Variants in KCNMA1 observed in about 807,000 individuals in gnomAD.
KCNMA1 encodes the protein potassium calcium-activated channel subfamily M alpha 1.
In KCNMA1, 29 loss-of-function variants were observed where a neutral mutation model predicts 140.0. The observed-to-expected ratio is 0.21, with a 90% confidence interval of 0.15 to 0.28. The LOEUF is 0.28. KCNMA1 is among the 10% of genes least tolerant of loss of function. The pLI, the probability that KCNMA1 is intolerant of heterozygous loss-of-function variation, is 1.00. For missense variants in KCNMA1, 880 were observed against 1,602.2 expected, an observed-to-expected ratio of 0.55 and a Z score of 7.70; for synonymous variants, 612 against 611.9, an observed-to-expected ratio of 1.00 and a Z score of 0.00.
At chr10:76,946,150 G>A (rs1422096530) in intron 22 of KCNMA1, among the ~76,000 whole-genome samples, 1 of 152,198 alleles carries the variant, frequency 6.6e-6, no homozygotes, top group Non-Finnish European at 1.5e-5. Flanking sequence ...AGGGAAAATA[G>A]AAGGGTTAGG....
rs1447347059 is a variant in KCNMA1 at position 76,886,641 on chromosome 10, C to G, written c.*625G>C. On this transcript the variant is annotated 3_prime_UTR_variant, in exon 28 of 28. Coordinates refer to ENST00000286628, the MANE Select transcript of KCNMA1 (RefSeq NM_001161352.2). ...TGGGACAAAAGGCCTTGGTGAGTAA[C>G]TAAAAAAATCACTGATGTTCTCTTG... The G allele has an allele frequency of 4.0e-6, 4 of 990,640 alleles. No individual in the cohort carries two copies. The highest frequency in any genetic ancestry group is 4.8e-6 in the Non-Finnish European group (4 of 833,250). 61.4% of individuals were successfully genotyped at this position (990,640 alleles called of 1,614,324 possible).
At chr10:77,341,421 C>T (rs990335889) in intron 2 of KCNMA1, among the ~76,000 whole-genome samples, 13 of 152,120 alleles carry the variant, frequency 8.5e-5, no homozygotes, top group African/African-American at 2.2e-4. Context: ...TCTGTTTCTC[C>T]ATCTCTCTGC....
At chr10:77,535,303 A>G (rs895589704) in intron 1 of KCNMA1, among the ~76,000 whole-genome samples, 36 of 152,350 alleles carry the variant, frequency 2.4e-4, no homozygotes, top group Non-Finnish European at 3.5e-4. Flanking sequence ...TGGTCCAAGA[A>G]GTTTATTCCC....
chr10:76,996,187 A>G (rs2084263322), intron 19 of KCNMA1, among the ~76,000 whole-genome samples: 1 of 152,200 alleles, frequency 6.6e-6, no homozygotes, highest in Non-Finnish European at 1.5e-5. Context: ...TTGACAGATG[A>G]GCGATGTAAA....
rs560362317 is a variant in KCNMA1 at position 77,516,403 on chromosome 10, TCTC to T, written c.379-112383_379-112381del. On this transcript the variant is annotated intron_variant, in intron 1 of 27. Transcript: ENST00000286628. ...CTTGTGCACTTATGGCCACCTGGCT[TCTC>T]CTGTTTCCCTATTTGTCCTGTCTGT... is the stretch of plus-strand genomic sequence containing the variant. 1.2e-3 allele frequency among the ~76,000 whole-genome samples: 189 copies of T among 152,330 alleles called. 1 individual carries two copies. The highest frequency in any genetic ancestry group is 3.9e-3 in the African/African-American group (162 of 41,562).
chr10:77,010,399 G>T (rs74140249), intron 18 of KCNMA1, among the ~76,000 whole-genome samples: 1,634 of 151,936 alleles, frequency 0.011, 22 homozygotes, highest in African/African-American at 0.037. Context: ...GGGGAGTGAG[G>T]TTCATTCTAG....
intron 14 of KCNMA1, among the ~76,000 whole-genome samples, chr10:77,045,454 C>T (rs2094987892): frequency 6.6e-6 from 1 of 152,174 alleles, no homozygotes; most frequent in African/African-American, 2.4e-5. Flanking sequence ...GGGACTGAGC[C>T]AATGAACTAG....
intron 1 of KCNMA1, 83 bp downstream of exon 1, chr10:77,637,182 C>CGCGGA: frequency 7.4e-7 from 1 of 1,348,954 alleles, no homozygotes; most frequent in Non-Finnish European, 1.0e-6. Flanking sequence ...CACGGCGCGG[C>CGCGGA]GCGGAGCGAG....
chr10:77,498,242 A>AG (rs1161607903), intron 1 of KCNMA1, among the ~76,000 whole-genome samples: 3 of 152,238 alleles, frequency 2.0e-5, no homozygotes, highest in Non-Finnish European at 2.9e-5. Flanking sequence ...AGGGCTGAAC[A>AG]GGGAGGTGAG....
At chr10:77,210,739 C>G (rs1037680983) in intron 3 of KCNMA1, among the ~76,000 whole-genome samples, 1 of 152,086 alleles carries the variant, frequency 6.6e-6, no homozygotes, top group East Asian at 1.9e-4. Flanking sequence ...AATCAATGTA[C>G]AAAAATCAGT....
chr10:77,520,087 A>AGGGTGTGCAGTGTGAGGTCTGAG (rs2154550272), intron 1 of KCNMA1, among the ~76,000 whole-genome samples: 1 of 1,310 alleles, frequency 7.6e-4, no homozygotes, highest in African/African-American at 3.1e-3. Flanking sequence ...TGAGGTCTGG[A>AGGGTGTGCAGTGTGAGGTCTGAG]GTATGCAGTG....
chr10:77,194,570 G>C (rs1416247832), intron 3 of KCNMA1, among the ~76,000 whole-genome samples: 1 of 152,174 alleles, frequency 6.6e-6, no homozygotes, highest in Non-Finnish European at 1.5e-5. Flanking sequence ...TGAATCGACA[G>C]CTAGAACCAG....
Position 77,200,827 on chromosome 10 carries a change from T to C in KCNMA1, c.603-15911A>G, listed in dbSNP as rs74982017. On this transcript the variant is annotated intron_variant, in intron 3 of 27. Coordinates refer to ENST00000286628, the MANE Select transcript of KCNMA1 (RefSeq NM_001161352.2). ...CAGATAACAGATTATAGACAAATTG[T>C]ATACATGTGATCACACCCAGGCACA... 6.2e-4 allele frequency among the ~76,000 whole-genome samples: 94 copies of C among 152,312 alleles called. No individual in the cohort carries two copies. The East Asian group carries it at 0.015, about 25-fold the overall frequency.
chr10:77,433,310 A>T (rs555547235), intron 1 of KCNMA1, among the ~76,000 whole-genome samples: 1 of 152,016 alleles, frequency 6.6e-6, no homozygotes, highest in African/African-American at 2.4e-5. Flanking sequence ...ACACCACCAC[A>T]TCTGGCTAAT....
intron 1 of KCNMA1, among the ~76,000 whole-genome samples, chr10:77,461,151 G>A (rs1364437043): frequency 6.6e-6 from 1 of 151,524 alleles, no homozygotes; most frequent in Non-Finnish European, 1.5e-5. Flanking sequence ...ACACTATTTG[G>A]GTGATGGGTG....
chr10:77,573,270 C>G (rs1224271528), intron 1 of KCNMA1, among the ~76,000 whole-genome samples: 1 of 152,116 alleles, frequency 6.6e-6, no homozygotes, highest in Non-Finnish European at 1.5e-5. Flanking sequence ...CCAGAGAGAG[C>G]CCAGTGGGCC....
intron 1 of KCNMA1, among the ~76,000 whole-genome samples, chr10:77,548,342 G>A (rs995421195): frequency 3.3e-5 from 5 of 152,164 alleles, no homozygotes; most frequent in African/African-American, 1.2e-4. Context: ...GAAGCCTAAC[G>A]TGGACAACGC....
chr10:77,201,605 C>T (rs1301716722), intron 3 of KCNMA1, among the ~76,000 whole-genome samples: 1 of 152,154 alleles, frequency 6.6e-6, no homozygotes, highest in Non-Finnish European at 1.5e-5. Flanking sequence ...GGATTACAGG[C>T]GTGAGGCACC....
intron 12 of KCNMA1, 94 bp from the exon 13 acceptor site, chr10:77,079,644 T>A (rs749162925): frequency 1.1e-6 from 1 of 871,796 alleles, no homozygotes; most frequent in Non-Finnish European, 2.0e-6. Context: ...GGGGTACCCA[T>A]GGGACTGAGG....
Sources: allele counts gnomAD v4.1 joint callset (sites outside exome capture counted in the v4.1 genomes callset), GRCh38; gene constraint gnomAD v4.1.1; transcripts MANE v1.5; gene names NCBI Gene and HGNC (gene_info 2026-07-23, HGNC 2026-07-21).